Variants in APBA2 observed in about 807,000 individuals in gnomAD.
The protein encoded by APBA2 is amyloid beta precursor protein binding family A member 2, also known as amyloid-beta A4 precursor protein-binding family A member 2.
A neutral mutation model predicts 75.0 loss-of-function variants in APBA2; 30 were observed. That is an observed-to-expected ratio of 0.40 (90% confidence interval 0.30 to 0.54). The LOEUF (loss-of-function observed/expected upper bound fraction) is 0.54. Among genes scored for constraint, APBA2 ranks in the 20% least tolerant of loss-of-function variants. The pLI, the probability that APBA2 is intolerant of heterozygous loss-of-function variation, is 0.49. For missense variants in APBA2, 801 were observed against 1,016.1 expected (o/e 0.79, Z 2.88); for synonymous variants, 444 against 409.6 (o/e 1.08, Z -1.01).
chr15:28,964,411 T>C (rs2036628983), intron 2 of APBA2, among the ~76,000 whole-genome samples: 1 of 152,320 alleles, frequency 6.6e-6, no homozygotes, highest in Admixed American at 6.5e-5. Flanking sequence ...TGCCTAATAA[T>C]GTTGGGGATC....
At chr15:28,972,791 A>T (rs1375708450) in intron 2 of APBA2, among the ~76,000 whole-genome samples, 2 of 152,242 alleles carry the variant, frequency 1.3e-5, no homozygotes, top group African/African-American at 4.8e-5. Flanking sequence ...AAAAACAATA[A>T]TAAAACTGAC....
At chr15:28,947,332 A>G (rs563454775) in intron 2 of APBA2, among the ~76,000 whole-genome samples, 2 of 152,314 alleles carry the variant, frequency 1.3e-5, no homozygotes, top group African/African-American at 4.8e-5. Context: ...TATTGGCTGC[A>G]TGCTGACTGG....
At chr15:28,999,288 C>A (rs1162166931) in intron 3 of APBA2, among the ~76,000 whole-genome samples, 19 of 152,062 alleles carry the variant, frequency 1.2e-4, no homozygotes, top group Non-Finnish European at 5.9e-5. Flanking sequence ...TCAGTATTAG[C>A]AACTTCTTTA....
intron 2 of APBA2, among the ~76,000 whole-genome samples, chr15:28,984,340 G>A (rs1412431120): frequency 6.6e-6 from 1 of 152,072 alleles, no homozygotes; most frequent in Non-Finnish European, 1.5e-5. Flanking sequence ...TTTATGCCAC[G>A]TAGCAACCCC....
At chr15:28,933,684 T>G (rs190778550) in intron 2 of APBA2, among the ~76,000 whole-genome samples, 2,717 of 152,286 alleles carry the variant, frequency 0.018, 73 homozygotes, top group African/African-American at 0.062. Flanking sequence ...GTTTTATTGG[T>G]CCAAAGTCAG....
chr15:29,005,262 T>A (rs1401303034), intron 3 of APBA2, among the ~76,000 whole-genome samples: 1 of 150,388 alleles, frequency 6.6e-6, no homozygotes, highest in East Asian at 2.0e-4. Context: ...ATAATGTGCC[T>A]TTTTTTTTGT....
Position 29,098,589 on chromosome 15 carries a change from G to A in APBA2, c.1338+13G>A. 1 of 1,608,292 alleles carries A rather than the reference G, an allele frequency of 6.2e-7. No homozygotes were observed. Among genetic ancestry groups the A allele is most frequent in the South Asian group, 1.1e-5 (1 of 90,938 alleles). On this transcript the variant is annotated intron_variant, in intron 9 of 14. Transcript: ENST00000683413. The stretch of plus-strand genomic sequence containing the variant: ...TGCAGACACGCAGGTAAGCGTTTAA[G>A]ACAGTTGTTCAAAATCAGGTAAACT...
intron 1 of APBA2, among the ~76,000 whole-genome samples, chr15:28,907,174 G>A (rs1254646500): frequency 6.6e-6 from 1 of 152,168 alleles, no homozygotes; most frequent in African/African-American, 2.4e-5. Context: ...TAGATGTAGT[G>A]TGAGTTGGGG....
chr15:29,015,200 A>T (rs1470317034), intron 3 of APBA2, among the ~76,000 whole-genome samples: 1 of 152,132 alleles, frequency 6.6e-6, no homozygotes, highest in East Asian at 1.9e-4. Flanking sequence ...CCTGTTTCTG[A>T]GTGCTGTTGG....
At chr15:29,087,961 C>T (rs1014613474) in intron 6 of APBA2, among the ~76,000 whole-genome samples, 1 of 152,190 alleles carries the variant, frequency 6.6e-6, no homozygotes, top group African/African-American at 2.4e-5. Flanking sequence ...CTGTCCCACC[C>T]TGCATCTATC....
At chr15:28,932,987 T>C (rs2034642845) in intron 2 of APBA2, among the ~76,000 whole-genome samples, 1 of 152,164 alleles carries the variant, frequency 6.6e-6, no homozygotes, top group Admixed American at 6.5e-5. Flanking sequence ...GGGTTGCATC[T>C]GCTGAGGGCC....
At chr15:29,076,251 C>A (rs1236471382) in intron 6 of APBA2, among the ~76,000 whole-genome samples, 160 bp downstream of exon 6, 1 of 152,176 alleles carries the variant, frequency 6.6e-6, no homozygotes, top group African/African-American at 2.4e-5. Flanking sequence ...CTGTGTAGCC[C>A]CACTTAGTGG....
In APBA2 at chr15:28,891,748, C is replaced by T. The variant is rs150852748; in HGVS notation, c.-205+5470C>T. Among the ~76,000 whole-genome samples the T allele has an allele frequency of 5.3e-3, 809 of 152,210 alleles. 6 individuals carry two copies. Among genetic ancestry groups the T allele is most frequent in the African/African-American group, 0.019 (784 of 41,530 alleles). On this transcript the variant is annotated intron_variant, in intron 1 of 14. Transcript: ENST00000683413. ...AAACTCTCATTAGTAAATAGTGAGT[C>T]GGAGAACACTATTGACATTTGGCAT...
intron 2 of APBA2, among the ~76,000 whole-genome samples, chr15:28,989,034 C>T (rs577809472): frequency 1.3e-5 from 2 of 152,258 alleles, no homozygotes; most frequent in South Asian, 2.1e-4. Flanking sequence ...CATTTCCCTG[C>T]GTGCCAGTGA....
intron 14 of APBA2, among the ~76,000 whole-genome samples, chr15:29,115,832 A>C (rs2045073766): frequency 6.6e-6 from 1 of 152,134 alleles, no homozygotes; most frequent in Non-Finnish European, 1.5e-5. Flanking sequence ...TCAGAAGCAG[A>C]GCTGCGCGAT....
intron 2 of APBA2, among the ~76,000 whole-genome samples, chr15:28,940,356 CAAAAAAAAAAAAA>C (rs398043111): frequency 7.8e-4 from 30 of 38,454 alleles, no homozygotes; most frequent in Middle Eastern, 0.036. Flanking sequence ...ACTAAAAATA[CAAAAAAAAAAAAA>C]AAAAAAAAAA....
intron 2 of APBA2, among the ~76,000 whole-genome samples, chr15:28,995,145 G>A (rs74343421): frequency 0.034 from 5,234 of 152,186 alleles, 307 homozygotes; most frequent in African/African-American, 0.12. Flanking sequence ...AAACCCCCGA[G>A]CCTGCTGGCA....
intron 7 of APBA2, 93 bp downstream of exon 7, chr15:29,093,313 C>T: frequency 6.5e-7 from 1 of 1,527,370 alleles, no homozygotes; most frequent in Admixed American, 1.9e-5. Flanking sequence ...CCTCTTCCAG[C>T]TCGGACTGCA....
At chr15:29,042,261 C>T (rs906986327) in intron 3 of APBA2, among the ~76,000 whole-genome samples, 18 of 152,138 alleles carry the variant, frequency 1.2e-4, no homozygotes, top group African/African-American at 4.3e-4. Flanking sequence ...CAGTAATCCC[C>T]TTCCTCTCTC....
Sources: allele counts gnomAD v4.1 joint callset (sites outside exome capture counted in the v4.1 genomes callset), GRCh38; gene constraint gnomAD v4.1.1; transcripts MANE v1.5; gene names NCBI Gene and HGNC (gene_info 2026-07-23, HGNC 2026-07-21).